The following NRG1 variants were observed in gnomAD, a reference collection of about 807,000 sequenced individuals.
The protein encoded by NRG1 is pro-neuregulin-1, membrane-bound isoform.
Under a neutral mutation model 63.8 loss-of-function variants are expected in NRG1, and 18 were observed. The ratio of observed to expected loss-of-function variants is 0.28; its 90% confidence interval spans 0.19 to 0.42. The LOEUF (loss-of-function observed/expected upper bound fraction) is 0.42. NRG1 is among the 10% of genes least tolerant of loss of function. NRG1 has a pLI of 1.00. For synonymous variants in NRG1, 302 were observed against 301.3 expected (o/e 1.00, Z -0.02); for missense variants, 762 against 814.7 (o/e 0.94, Z 0.79).
chr8:32,149,128 C>T (rs967103944), intron 1 of NRG1, among the ~76,000 whole-genome samples: 19 of 152,256 alleles, frequency 1.2e-4, no homozygotes, highest in African/African-American at 4.6e-4. Flanking sequence ...TGAAATTTTT[C>T]CTGCTTCTCC....
At chr8:32,568,248 C>T (rs569890663) in intron 1 of NRG1, among the ~76,000 whole-genome samples, 5 of 152,296 alleles carry the variant, frequency 3.3e-5, no homozygotes, top group African/African-American at 1.2e-4. Flanking sequence ...GTGCTCGTTT[C>T]AATATTGAAG....
intron 4 of NRG1, among the ~76,000 whole-genome samples, chr8:32,615,441 A>G (rs2129541655): frequency 6.6e-6 from 1 of 152,250 alleles, no homozygotes; most frequent in Non-Finnish European, 1.5e-5. Context: ...AACTTGTGAA[A>G]CAAGACATCA....
At chr8:32,530,288 T>C (rs374991755) in intron 1 of NRG1, among the ~76,000 whole-genome samples, 1 of 151,962 alleles carries the variant, frequency 6.6e-6, no homozygotes, top group Non-Finnish European at 1.5e-5. Context: ...TTTGTATTAT[T>C]TGTAGAGACG....
intron 1 of NRG1, among the ~76,000 whole-genome samples, chr8:31,662,168 A>G (rs935091153): frequency 1.3e-5 from 2 of 152,208 alleles, no homozygotes; most frequent in Non-Finnish European, 2.9e-5. Flanking sequence ...AAGTTGTGCA[A>G]TTAGTGGACA....
chr8:31,874,369 AAAT>A (rs1247842077), intron 1 of NRG1, among the ~76,000 whole-genome samples: 2 of 152,340 alleles, frequency 1.3e-5, no homozygotes, highest in Admixed American at 1.3e-4. Context: ...GATTTTTGAA[AAAT>A]AAGAAGATTT....
intron 1 of NRG1, among the ~76,000 whole-genome samples, chr8:31,898,032 AAAAGAG>A (rs1392321013): frequency 1.1e-3 from 164 of 151,728 alleles, no homozygotes; most frequent in Admixed American, 1.9e-3. Context: ...AAAAAAAAAA[AAAAGAG>A]AGAGAAGGAA....
At chr8:32,441,107 T>A (rs1372807514) in intron 1 of NRG1, 2 of 152,172 alleles carry the variant, frequency 1.3e-5, no homozygotes, top group African/African-American at 2.4e-5. Flanking sequence ...TTTTAGATAT[T>A]GGTATTAAAT....
At chr8:31,924,949 C>T (rs180752601) in intron 1 of NRG1, among the ~76,000 whole-genome samples, 5 of 150,886 alleles carry the variant, frequency 3.3e-5, no homozygotes, top group African/African-American at 4.9e-5. Flanking sequence ...TTAATTCTAC[C>T]GTGGTCAGAG....
intron 1 of NRG1, among the ~76,000 whole-genome samples, chr8:32,374,394 T>C (rs1011319816): frequency 6.6e-6 from 1 of 152,214 alleles, no homozygotes; most frequent in Non-Finnish European, 1.5e-5. Flanking sequence ...ATTAAATGAC[T>C]CCTTATGGAA....
chr8:32,013,834 C>A (rs1174536704), intron 1 of NRG1, among the ~76,000 whole-genome samples: 1 of 151,988 alleles, frequency 6.6e-6, no homozygotes, highest in Non-Finnish European at 1.5e-5. Context: ...AATCCTATTC[C>A]CTCCCTATTC....
chr8:32,392,362 G>A (rs371252152), intron 1 of NRG1, among the ~76,000 whole-genome samples: 5 of 152,318 alleles, frequency 3.3e-5, no homozygotes, highest in African/African-American at 9.6e-5. Flanking sequence ...TCCCATAAAA[G>A]CAGTAATTTT....
At chr8:32,558,799 T>C (rs967307705) in intron 1 of NRG1, among the ~76,000 whole-genome samples, 4 of 152,088 alleles carry the variant, frequency 2.6e-5, no homozygotes, top group African/African-American at 9.7e-5. Context: ...GTTACAGCTG[T>C]GGCCAGGCAC....
intron 3 of NRG1, among the ~76,000 whole-genome samples, chr8:32,606,976 C>G (rs1845384555): frequency 6.6e-6 from 1 of 152,120 alleles, no homozygotes; most frequent in South Asian, 2.1e-4. Flanking sequence ...GCCTCATCCT[C>G]TCTGGACTTC....
At chr8:31,649,669 G>C (rs1019496311) in intron 1 of NRG1, among the ~76,000 whole-genome samples, 1 of 152,136 alleles carries the variant, frequency 6.6e-6, no homozygotes, top group African/African-American at 2.4e-5. Context: ...AATTGAGTAA[G>C]CTTCGATTTA....
chr8:32,590,836 A>T (rs1393962816), intron 1 of NRG1, among the ~76,000 whole-genome samples: 4 of 152,206 alleles, frequency 2.6e-5, no homozygotes, highest in Non-Finnish European at 4.4e-5. Flanking sequence ...CATACAAACC[A>T]CATGGGCTCA....
chr8:31,869,608 C>T (rs1829301175), intron 1 of NRG1, among the ~76,000 whole-genome samples: 1 of 152,172 alleles, frequency 6.6e-6, no homozygotes, highest in South Asian at 2.1e-4. Context: ...GCTCTTGCCT[C>T]GTTTTTGCCT....
At chr8:32,358,362 A>G (rs17634082) in intron 1 of NRG1, among the ~76,000 whole-genome samples, 8,148 of 107,212 alleles carry the variant, frequency 0.076, 305 homozygotes, top group Middle Eastern at 0.14. Context: ...ATAGAATGCC[A>G]TTTATGAAAA....
chr8:31,670,571 GT>G (rs35693427), intron 1 of NRG1, among the ~76,000 whole-genome samples: 56 of 146,176 alleles, frequency 3.8e-4, no homozygotes, highest in Admixed American at 1.4e-3. Context: ...CATTCTCTTT[GT>G]TTTTTTTTTT....
intron 1 of NRG1, among the ~76,000 whole-genome samples, chr8:31,987,094 T>C (rs541664237): frequency 2.6e-4 from 39 of 151,914 alleles, no homozygotes; most frequent in African/African-American, 9.4e-4. Context: ...GGTCAAGAGA[T>C]TGAGACCATC....
Sources: gnomAD v4.1 joint callset for allele counts (sites outside exome capture counted in the v4.1 genomes callset) on GRCh38, gnomAD v4.1.1 for gene constraint, MANE v1.5 for transcripts, NCBI Gene and HGNC (gene_info 2026-07-23, HGNC 2026-07-21) for gene names.